Variants in NCOR2 observed in about 807,000 individuals in gnomAD.
NCOR2 encodes nuclear receptor corepressor 2.
In NCOR2, 81 loss-of-function variants were observed where a neutral mutation model predicts 262.9. The ratio of observed to expected loss-of-function variants is 0.31; its 90% confidence interval spans 0.26 to 0.37. NCOR2 has a LOEUF of 0.37. NCOR2 is among the 10% of genes least tolerant of loss of function. The pLI is 1.00. For synonymous variants in NCOR2, 1,659 were observed against 1,559.3 expected, an observed-to-expected ratio of 1.06 and a Z score of -1.51; for missense variants, 3,385 against 3,621.4, an observed-to-expected ratio of 0.93 and a Z score of 1.68.
At chr12:124,357,138 A>T (rs2038016804) in intron 22 of NCOR2, among the ~76,000 whole-genome samples, 1 of 152,204 alleles carries the variant, frequency 6.6e-6, no homozygotes. Context: ...ATGGTATCTC[A>T]GAGGGTCTGT....
chr12:124,399,382 G>A (rs1340311777), intron 15 of NCOR2, among the ~76,000 whole-genome samples: 1 of 152,178 alleles, frequency 6.6e-6, no homozygotes, highest in Non-Finnish European at 1.5e-5. Flanking sequence ...CCCAGCATCA[G>A]CCTTGGGTCC....
intron 7 of NCOR2, among the ~76,000 whole-genome samples, chr12:124,439,607 G>A (rs1479442136): frequency 6.6e-6 from 1 of 152,106 alleles, no homozygotes. Flanking sequence ...GACAGAGACT[G>A]GGAGAAGGGG....
chr12:124,526,837 C>T (rs1251690834), intron 1 of NCOR2, among the ~76,000 whole-genome samples: 1 of 152,174 alleles, frequency 6.6e-6, no homozygotes, highest in Non-Finnish European at 1.5e-5. Context: ...AGCTTCACCA[C>T]CTCCCAGCTG....
chr12:124,485,222 C>T (rs2136815570), intron 2 of NCOR2, among the ~76,000 whole-genome samples: 1 of 152,376 alleles, frequency 6.6e-6, no homozygotes, highest in Middle Eastern at 3.4e-3. Context: ...TGCACAGCCA[C>T]TGGAACCTCA....
chr12:124,402,315 A>G lies in NCOR2; in HGVS notation c.1640+89T>C. 1.9e-6 allele frequency: 3 copies of G among 1,571,040 alleles called. No individual in the cohort carries two copies. In the South Asian group the frequency reaches 3.6e-5, roughly 19 times the overall value. On this transcript the variant is annotated intron_variant, in intron 14 of 46. Transcript: ENST00000405201. ...CTCACAGGCAATTGGTGGGCACCCC[A>G]CCCGTCTCTACAAAGGGTCCCCCAG...
intron 1 of NCOR2, among the ~76,000 whole-genome samples, chr12:124,501,050 G>GCA (rs777654883): frequency 0.23 from 7,103 of 30,522 alleles, 245 homozygotes; most frequent in South Asian, 0.41. Flanking sequence ...GCACGAGCGC[G>GCA]CGCGCACGCG....
At chr12:124,560,050 G>A (rs2052018006) in intron 1 of NCOR2, among the ~76,000 whole-genome samples, 1 of 152,052 alleles carries the variant, frequency 6.6e-6, no homozygotes, top group African/African-American at 2.4e-5. Context: ...GCAAGAACAG[G>A]AGCCCAGGCT....
At chr12:124,509,024 A>G (rs993335105) in intron 1 of NCOR2, among the ~76,000 whole-genome samples, 28 of 152,132 alleles carry the variant, frequency 1.8e-4, no homozygotes, top group African/African-American at 6.8e-4. Context: ...TGGGACACAC[A>G]CACACTGGCC....
intron 37 of NCOR2, among the ~76,000 whole-genome samples, chr12:124,338,960 T>C (rs2036148033): frequency 2.8e-5 from 2 of 72,722 alleles, no homozygotes; most frequent in Non-Finnish European, 2.6e-5. Context: ...CCCACCCACC[T>C]ACCTCCCTAA....
At chr12:124,464,146 T>C (rs186787479) in intron 5 of NCOR2, among the ~76,000 whole-genome samples, 2 of 152,328 alleles carry the variant, frequency 1.3e-5, no homozygotes, top group Non-Finnish European at 2.9e-5. Context: ...TCCTGAAAAC[T>C]CCTTTTCCTG....
exon 38 of NCOR2, chr12:124,336,787 G>T (rs1158541256): frequency 6.2e-7 from 1 of 1,613,440 alleles, no homozygotes; most frequent in Non-Finnish European, 8.5e-7. Flanking sequence ...GGATGGAAAA[G>T]GGTTTACTTT....
chr12:124,535,730 T>G (rs1257588504), upstream of NCOR2: 1 of 152,242 alleles, frequency 6.6e-6, no homozygotes, highest in East Asian at 1.9e-4. Context: ...TCGTAAGCAC[T>G]GGGCCAAGTA....
chr12:124,503,601 TGGACGGACGGAC>T lies in NCOR2; in HGVS notation c.-117-8245_-117-8234del, dbSNP rs778870402. On this transcript the variant is annotated intron_variant, in intron 1 of 46. Coordinates refer to the NCOR2 transcript ENST00000404621. The surrounding 1 kb of genome is among the most constrained non-coding windows in gnomAD (Gnocchi z 4.3). ...ACGGACGGATGGACGGATGGATGGATGGACGGACGGACGGATGGATGGATGGATGGATGGGCG... is the reference window on the plus strand; with the variant it reads ...ACGGACGGATGGACGGATGGATGGATGGATGGATGGATGGATGGATGGGCG... Among the ~76,000 whole-genome samples the T allele has an allele frequency of 7.6e-6, 1 of 131,794 alleles. No homozygotes were observed. Among genetic ancestry groups the T allele is most frequent in the African/African-American group, 3.0e-5 (1 of 32,950 alleles). The allele number at this position is 131,794 out of a possible 152,430, so 86.5% of individuals were successfully genotyped here.
At chr12:124,381,220 G>A (rs2040385116) in intron 17 of NCOR2, among the ~76,000 whole-genome samples, 1 of 151,840 alleles carries the variant, frequency 6.6e-6, no homozygotes, top group Non-Finnish European at 1.5e-5. Context: ...TGCCCTCCCT[G>A]CTCGCTGCCC....
At chr12:124,441,174 G>A (rs952388239) in intron 7 of NCOR2, among the ~76,000 whole-genome samples, 3 of 152,226 alleles carry the variant, frequency 2.0e-5, no homozygotes, top group East Asian at 1.9e-4. Context: ...CCCAGAAACC[G>A]CGCTGCCCGG....
chr12:124,423,380 G>A (rs1357158957), intron 11 of NCOR2, among the ~76,000 whole-genome samples: 2 of 152,204 alleles, frequency 1.3e-5, no homozygotes, highest in Admixed American at 6.5e-5. Context: ...GGGCTCCCAC[G>A]GAGGGAGGCT....
At chr12:124,547,954 T>C (rs1349931892) in intron 1 of NCOR2, among the ~76,000 whole-genome samples, 2 of 152,190 alleles carry the variant, frequency 1.3e-5, no homozygotes, top group African/African-American at 4.8e-5. Flanking sequence ...TATAACAACA[T>C]ATATATAAAT....
At chr12:124,547,971 A>G (rs1437918057) in intron 1 of NCOR2, among the ~76,000 whole-genome samples, 1 of 152,256 alleles carries the variant, frequency 6.6e-6, no homozygotes, top group Non-Finnish European at 1.5e-5. Context: ...AAATACACAT[A>G]CAGAATGAGA....
chr12:124,550,403 G>A (rs907492225), intron 1 of NCOR2, among the ~76,000 whole-genome samples: 10 of 152,148 alleles, frequency 6.6e-5, no homozygotes, highest in African/African-American at 2.4e-4. Flanking sequence ...CCAAATACCT[G>A]CCCCATCCTT....
Sources: gnomAD v4.1 joint callset for allele counts (sites outside exome capture counted in the v4.1 genomes callset) on GRCh38, gnomAD v4.1.1 for gene constraint, Gnocchi (gnomAD v3.1) non-coding constraint, MANE v1.5 for transcripts, NCBI Gene and HGNC (gene_info 2026-07-23, HGNC 2026-07-21) for gene names.